The following CFAP299 variants were observed in gnomAD, a reference collection of about 807,000 sequenced individuals.
CFAP299 encodes the protein cilia and flagella associated protein 299, also known as cilia- and flagella-associated protein 299.
In CFAP299, 21 loss-of-function variants were observed where a neutral mutation model predicts 27.0. That is an observed-to-expected ratio of 0.78 (90% confidence interval 0.55 to 1.12). The LOEUF is 1.12. Among genes scored for constraint, CFAP299 ranks in the 50% most tolerant of loss-of-function variants. The pLI, the probability that CFAP299 is intolerant of heterozygous loss-of-function variation, is 0.00. For missense variants in CFAP299, 310 were observed against 276.6 expected (o/e 1.12, Z -0.86); for synonymous variants, 104 against 98.1 (o/e 1.06, Z -0.36).
intron 2 of CFAP299, among the ~76,000 whole-genome samples, chr4:80,564,344 AT>A (rs921922071): frequency 1.4e-4 from 22 of 152,036 alleles, no homozygotes; most frequent in Admixed American, 6.6e-5. Flanking sequence ...ATCAAGTGGC[AT>A]TTATCCCTAG....
intron 3 of CFAP299, among the ~76,000 whole-genome samples, chr4:80,624,463 A>G (rs951504384): frequency 2.0e-5 from 3 of 151,870 alleles, no homozygotes; most frequent in African/African-American, 4.8e-5. Context: ...AAAGAAATAT[A>G]AATAAATAAA....
intron 3 of CFAP299, among the ~76,000 whole-genome samples, chr4:80,839,458 A>G (rs1398689246): frequency 6.6e-6 from 1 of 152,138 alleles, no homozygotes; most frequent in Non-Finnish European, 1.5e-5. Flanking sequence ...AAATTTCAAG[A>G]GACCGAAAGG....
At chr4:80,419,210 C>G (rs1010283914) in intron 2 of CFAP299, among the ~76,000 whole-genome samples, 1 of 136,778 alleles carries the variant, frequency 7.3e-6, no homozygotes, top group Non-Finnish European at 1.7e-5. Flanking sequence ...GCCAAGGGGG[C>G]AACTTAAGAG....
Position 80,620,716 on chromosome 4 carries a change from G to A in CFAP299, c.333+37533G>A, listed in dbSNP as rs149198531. 5.1e-3 allele frequency among the ~76,000 whole-genome samples: 769 copies of A among 151,972 alleles called. 5 individuals carry two copies. The highest frequency in any genetic ancestry group is 0.02 in the Middle Eastern group (6 of 294). ...ACTGACTATCTCTCCTGCCTCTTTT[G>A]TCTGCTTAAATTTGTTCCCTACAGA... On this transcript the variant is annotated intron_variant, in intron 3 of 5. Coordinates refer to ENST00000358105, the MANE Select transcript of CFAP299 (RefSeq NM_152770.3).
intron 3 of CFAP299, among the ~76,000 whole-genome samples, chr4:80,721,142 T>G (rs967519559): frequency 6.6e-6 from 1 of 152,082 alleles, no homozygotes; most frequent in African/African-American, 2.4e-5. Flanking sequence ...ATACATATTA[T>G]TTGAATCCAG....
chr4:80,891,039 T>G (rs1642624387), intron 4 of CFAP299, among the ~76,000 whole-genome samples: 1 of 151,950 alleles, frequency 6.6e-6, no homozygotes, highest in Non-Finnish European at 1.5e-5. Flanking sequence ...TAGTTTCTTT[T>G]GCTGTGCAGA....
rs188881509 is a variant in CFAP299 at position 80,378,713 on chromosome 4, A to T, written c.242+15829A>T. ...TTACTTTTAGTTTGTTGATAAAGTG[A>T]TTTACATTGATTGATTTTTCACAGG... On this transcript the variant is annotated intron_variant, in intron 2 of 5. Transcript: ENST00000358105. Among the ~76,000 whole-genome samples, 327 of 152,178 alleles carry T rather than the reference A, an allele frequency of 2.1e-3. 1 individual carries two copies. Among genetic ancestry groups the T allele is most frequent in the Non-Finnish European group, 3.0e-3 (206 of 67,948 alleles).
chr4:80,879,916 C>T (rs546182552), intron 4 of CFAP299, among the ~76,000 whole-genome samples: 20 of 152,286 alleles, frequency 1.3e-4, no homozygotes, highest in African/African-American at 4.8e-4. Flanking sequence ...TGCCTACATA[C>T]CTTCTTATTA....
At chr4:80,365,886 T>C (rs1723807697) in intron 2 of CFAP299, among the ~76,000 whole-genome samples, 1 of 152,234 alleles carries the variant, frequency 6.6e-6, no homozygotes. Flanking sequence ...ATTTCCTCTA[T>C]GCAATAGTCT....
intron 3 of CFAP299, among the ~76,000 whole-genome samples, chr4:80,586,396 T>C (rs1211324015): frequency 6.6e-6 from 1 of 152,152 alleles, no homozygotes; most frequent in African/African-American, 2.4e-5. Flanking sequence ...TTAGAAAAGA[T>C]AGTTGAAACA....
intron 4 of CFAP299, among the ~76,000 whole-genome samples, chr4:80,920,249 C>T (rs911882035): frequency 1.3e-5 from 2 of 152,120 alleles, no homozygotes; most frequent in African/African-American, 4.8e-5. Flanking sequence ...TGTGACTCAC[C>T]TATCTCCCCT....
chr4:80,745,941 T>G (rs1390325009), intron 3 of CFAP299, among the ~76,000 whole-genome samples: 1 of 152,104 alleles, frequency 6.6e-6, no homozygotes, highest in African/African-American at 2.4e-5. Context: ...GACGTGTTTC[T>G]TGAGATAAGA....
chr4:80,642,267 G>A (rs1381555126), intron 3 of CFAP299, among the ~76,000 whole-genome samples: 1 of 152,190 alleles, frequency 6.6e-6, no homozygotes, highest in African/African-American at 2.4e-5. Flanking sequence ...ATTGGCAACT[G>A]ATTAAATTTG....
At chr4:80,421,579 C>T (rs1727285822) in intron 2 of CFAP299, among the ~76,000 whole-genome samples, 1 of 152,072 alleles carries the variant, frequency 6.6e-6, no homozygotes, top group Admixed American at 6.5e-5. Flanking sequence ...AAAATGTTTA[C>T]ATAAGAAGAA....
chr4:80,946,579 C>T (rs1161018986), intron 5 of CFAP299, among the ~76,000 whole-genome samples: 1 of 152,162 alleles, frequency 6.6e-6, no homozygotes, highest in East Asian at 1.9e-4. Context: ...AACAGGTATT[C>T]TGAGACAGGG....
intron 3 of CFAP299, among the ~76,000 whole-genome samples, chr4:80,740,434 A>T (rs1312404719): frequency 2.6e-5 from 4 of 152,196 alleles, no homozygotes; most frequent in African/African-American, 9.7e-5. Flanking sequence ...TACCAGGCAG[A>T]GACTCTTGTT....
intron 2 of CFAP299, among the ~76,000 whole-genome samples, chr4:80,505,242 C>T (rs975174524): frequency 1.3e-5 from 2 of 151,900 alleles, no homozygotes; most frequent in Non-Finnish European, 2.9e-5. Flanking sequence ...TTACTTGATA[C>T]TCCTTAAGGA....
intron 3 of CFAP299, among the ~76,000 whole-genome samples, chr4:80,681,767 A>G (rs987490057): frequency 3.9e-5 from 6 of 152,230 alleles, no homozygotes; most frequent in Admixed American, 1.3e-4. Flanking sequence ...GTGACTATCA[A>G]ATATTCTGTA....
rs186167290 is a variant in CFAP299 at position 80,831,075 on chromosome 4, G to A, written c.334-38918G>A. Reference sequence around the variant, plus strand: ...CTGTTCACTCCCAAGCCCATACTCAGTGGTTATACTACCTAGACAGTCTCT... The same window carrying A: ...CTGTTCACTCCCAAGCCCATACTCAATGGTTATACTACCTAGACAGTCTCT... On this transcript the variant is annotated intron_variant, in intron 3 of 5. Coordinates refer to ENST00000358105, the MANE Select transcript of CFAP299 (RefSeq NM_152770.3). 3.8e-3 allele frequency among the ~76,000 whole-genome samples: 572 copies of A among 152,234 alleles called. 2 individuals are homozygous for A. Among genetic ancestry groups the A allele is most frequent in the Middle Eastern group, 3.4e-3 (1 of 294 alleles).
Sources: gnomAD v4.1 joint callset for allele counts (sites outside exome capture counted in the v4.1 genomes callset) on GRCh38, gnomAD v4.1.1 for gene constraint, MANE v1.5 for transcripts, NCBI Gene and HGNC (gene_info 2026-07-23, HGNC 2026-07-21) for gene names.